The following FAT2 variants were observed in gnomAD, a reference collection of about 807,000 sequenced individuals.
The protein encoded by FAT2 is protocadherin Fat 2.
In FAT2, 150 loss-of-function variants were observed where a neutral mutation model predicts 295.3. That is an observed-to-expected ratio of 0.51 (90% CI 0.44 to 0.58). FAT2 has a LOEUF of 0.58. FAT2 is among the 20% of genes least tolerant of loss of function. The pLI is 0.00. For missense variants in FAT2, 4,868 were observed against 5,442.7 expected, an observed-to-expected ratio of 0.89 and a Z score of 3.32; for synonymous variants, 2,026 against 2,150.3, an observed-to-expected ratio of 0.94 and a Z score of 1.60.
intron 18 of FAT2, among the ~76,000 whole-genome samples, chr5:151,524,094 C>T (rs1202981440): frequency 6.6e-6 from 1 of 152,154 alleles, no homozygotes; most frequent in Non-Finnish European, 1.5e-5. Flanking sequence ...TCTCACTGGT[C>T]TCCCTCACCC....
intron 9 of FAT2, among the ~76,000 whole-genome samples, chr5:151,549,073 C>T (rs543902852): frequency 6.6e-6 from 1 of 152,212 alleles, no homozygotes; most frequent in African/African-American, 2.4e-5. Context: ...TGCAAATTCT[C>T]CCACAGCATG....
intron 3 of FAT2, among the ~76,000 whole-genome samples, chr5:151,562,541 T>C (rs1450777989): frequency 6.6e-6 from 1 of 152,176 alleles, no homozygotes; most frequent in African/African-American, 2.4e-5. Context: ...TCAGAGCTTC[T>C]GTGCCAGGTC....
intron 20 of FAT2, among the ~76,000 whole-genome samples, chr5:151,516,627 C>T (rs1414875105): frequency 6.6e-6 from 1 of 152,242 alleles, no homozygotes; most frequent in East Asian, 1.9e-4. Flanking sequence ...ATTTTCTGAG[C>T]TATTATGTTT....
intron 20 of FAT2, among the ~76,000 whole-genome samples, chr5:151,514,535 C>T (rs758996113): frequency 6.6e-5 from 10 of 152,272 alleles, no homozygotes; most frequent in Admixed American, 2.0e-4. Flanking sequence ...TGGAGAAAAA[C>T]GTGCAGCTTT....
intron 20 of FAT2, among the ~76,000 whole-genome samples, chr5:151,515,414 T>C (rs1183284865): frequency 6.6e-6 from 1 of 152,144 alleles, no homozygotes; most frequent in Non-Finnish European, 1.5e-5. Context: ...CGCTGAAGAC[T>C]CCCAGATCTC....
chr5:151,525,044 T>C (rs1343713326), intron 18 of FAT2, among the ~76,000 whole-genome samples: 3 of 152,232 alleles, frequency 2.0e-5, no homozygotes, highest in Non-Finnish European at 4.4e-5. Flanking sequence ...CTCCTTACCC[T>C]CTGCTATGTT....
Position 151,556,378 on chromosome 5 carries a change from A to G in FAT2, c.3599T>C (p.Leu1200Pro). The G allele has an allele frequency of 6.2e-7, 1 of 1,613,888 alleles. No homozygotes were observed. Among genetic ancestry groups the G allele is most frequent in the Non-Finnish European group, 8.5e-7 (1 of 1,179,860 alleles). The part of the protein sequence containing the change: ...VTGLLSTAQQ[L>P]DRENKDEHIL... ...GTGTTCATCCTTGTTCTCTCTGTCC[A>G]GCTGCTGGGCTGTAGATAGGAGACC... Residue 1200 changes from leucine to proline, a missense_variant, in exon 4 of 24, where the codon CTG (leucine) becomes CCG (proline). Around this residue, in one of 5 missense-constraint regions of FAT2, gnomAD observed 3,297 missense variants for 3,669.4 expected, o/e 0.90. Coordinates refer to ENST00000261800, the MANE Select transcript of FAT2 (RefSeq NM_001447.3).
chr5:151,541,203 G>A (rs2127603675), intron 10 of FAT2, among the ~76,000 whole-genome samples: 2 of 152,292 alleles, frequency 1.3e-5, no homozygotes, highest in South Asian at 4.1e-4. Context: ...GGTTCTGTAG[G>A]AGCACTAGGG....
At chr5:151,527,954 T>C (rs757381188) in intron 16 of FAT2, 42 bp downstream of exon 16, 13 of 1,601,234 alleles carry the variant, frequency 8.1e-6, no homozygotes, top group South Asian at 1.1e-5. Context: ...ACTGTGTCTC[T>C]GCTCTAATGA....
In FAT2 at chr5:151,566,014, C is replaced by A. The variant is rs137947267; in HGVS notation, c.2918G>T (p.Arg973Leu). Residue 973 changes from arginine to leucine, a missense_variant, in exon 2 of 24, where the codon CGG becomes CTG. This residue lies in a region of FAT2 where 3,297 missense variants were observed against 3,669.4 expected (regional missense o/e 0.90). Transcript: ENST00000261800. ...GAGCGCCCCTGTCATCAGGTCCACC[C>A]GGAAGGTCCCATGGGCGCCATCCAT... ...VLMDGAHGTF[R>L]VDLMTGALIL... The A allele has an allele frequency of 1.8e-4, 292 of 1,613,998 alleles. No homozygotes were observed. The highest frequency in any genetic ancestry group is 2.3e-4 in the Non-Finnish European group (274 of 1,180,024).
chr5:151,507,611 C>A lies in FAT2; in HGVS notation c.12060G>T (p.Arg4020Ser). The change falls in exon 23 of 24, where the codon AGG becomes AGT. Residue 4020 changes from arginine to serine, a missense_variant and splice_region_variant. Arg to Ser is a moderately radical substitution (Grantham distance 110). This residue lies in a region of FAT2 where 492 missense variants were observed against 482.6 expected (regional missense o/e 1.02). Coordinates refer to ENST00000261800, the MANE Select transcript of FAT2 (RefSeq NM_001447.3). Reference sequence around the variant, plus strand: ...AACAACCCCTCGCCTCCATTTCACACCTGCGGAGACAGAGTAGTCAGGGGG... The same window carrying A: ...AACAACCCCTCGCCTCCATTTCACAACTGCGGAGACAGAGTAGTCAGGGGG... Reference protein sequence around the residue: ...CNCPHPYTGDRCEMEARGCSE... With the variant: ...CNCPHPYTGDSCEMEARGCSE... 6.6e-7 allele frequency: 1 copy of A among 1,514,982 alleles called. No individual in the cohort carries two copies. The highest frequency in any genetic ancestry group is 8.7e-7 in the Non-Finnish European group (1 of 1,143,274). 93.8% of individuals were successfully genotyped at this position (1,514,982 alleles called of 1,614,324 possible). A position where few individuals can be genotyped will look rare whatever the true frequency, so the allele number is the denominator to read the frequency against.
At chr5:151,550,505 G>T in intron 8 of FAT2, 85 bp downstream of exon 8, 1 of 1,452,666 alleles carries the variant, frequency 6.9e-7, no homozygotes, top group South Asian at 1.3e-5. Context: ...GAGGGGAAGG[G>T]GGACCTTCAG....
Position 151,525,838 on chromosome 5 carries a change from G to T in FAT2, c.10436C>A (p.Pro3479Gln), listed in dbSNP as rs372161810. The T allele has an allele frequency of 6.2e-7, 1 of 1,613,988 alleles. No homozygotes were observed. Among genetic ancestry groups the T allele is most frequent in the Non-Finnish European group, 8.5e-7 (1 of 1,179,920 alleles). ...CTCAGCAGTCACCAGCCATCCATCC[G>T]GGGTCACTCGGAAGGCAGAGCCGTT... ...GNNGSAFRVT[P>Q]DGWLVTAEGL... Residue 3479 changes from proline (P) to glutamine (Q), a missense_variant, in exon 18 of 24, where the codon CCG (proline) becomes CAG (glutamine). Transcript: ENST00000261800.
At chr5:151,506,148 T>C (rs985726047) in intron 23 of FAT2, 51 bp from the exon 24 acceptor site, 42 of 1,488,166 alleles carry the variant, frequency 2.8e-5, no homozygotes, top group Non-Finnish European at 3.5e-5. Context: ...CCGGAAGGTT[T>C]CAGCTGGCTC....
chr5:151,520,325 G>A (rs1348019544), intron 19 of FAT2, among the ~76,000 whole-genome samples: 2 of 152,252 alleles, frequency 1.3e-5, no homozygotes, highest in East Asian at 3.8e-4. Flanking sequence ...GAGGAGCTTA[G>A]TGAAGAGTTC....
chr5:151,591,268 CG>C lies in FAT2; in HGVS notation c.-125del, dbSNP rs1759394660. Among the ~76,000 whole-genome samples the C allele has an allele frequency of 6.6e-6, 1 of 152,108 alleles. No homozygotes were observed. Among genetic ancestry groups the C allele is most frequent in the South Asian group, 2.1e-4 (1 of 4,826 alleles). ...GGCTCCTGAGGGAGGTGCAGAGACT[CG>C]GAGCAGGAAGGCGCGCAGCCCGCAG... On this transcript the variant is annotated 5_prime_UTR_variant, in exon 1 of 24. Coordinates refer to ENST00000261800, the MANE Select transcript of FAT2 (RefSeq NM_001447.3).
In FAT2 at chr5:151,565,714, G is replaced by C; in HGVS notation, c.3218C>G (p.Ala1073Gly). 7.3e-7 allele frequency: 1 copy of C among 1,374,460 alleles called. No individual in the cohort carries two copies. Among genetic ancestry groups the C allele is most frequent in the Non-Finnish European group, 9.7e-7 (1 of 1,028,798 alleles). The allele number at this position is 1,374,460 out of a possible 1,614,324, so 85.1% of individuals were successfully genotyped here. ...GCTGAAGGCTGCGAGTCCAGTGCCA[G>C]CACGCAGGAAGTACTGGAGCTCCCC... Reference protein sequence around the residue: ...LDGELQYFLRAGTGLAAFSIN... With the variant: ...LDGELQYFLRGGTGLAAFSIN... The change falls in exon 2 of 24, where the codon GCT (alanine) becomes GGT (glycine). Residue 1073 changes from alanine to glycine, a missense_variant. Ala to Gly is a moderately conservative substitution (Grantham distance 60). Coordinates refer to ENST00000261800, the MANE Select transcript of FAT2 (RefSeq NM_001447.3).
intron 1 of FAT2, among the ~76,000 whole-genome samples, chr5:151,585,682 C>T (rs1179084823): frequency 6.6e-6 from 1 of 152,204 alleles, no homozygotes; most frequent in Non-Finnish European, 1.5e-5. Context: ...TTGTCAGACA[C>T]TACCAGGACA....
In FAT2 at chr5:151,584,782, C is replaced by T. The variant is rs191248036; in HGVS notation, c.-21+6383G>A. Among the ~76,000 whole-genome samples the T allele has an allele frequency of 9.7e-4, 148 of 152,298 alleles. 2 individuals carry two copies. The highest frequency in any genetic ancestry group is 3.4e-3 in the African/African-American group (140 of 41,554). ...GTCAATGGCCAGTCAGTGTGGAGCA[C>T]GGATTGGAACAAATGATCTATCTGA... On this transcript the variant is annotated intron_variant, in intron 1 of 23. Coordinates refer to ENST00000261800, the MANE Select transcript of FAT2 (RefSeq NM_001447.3).
Sources: gnomAD v4.1 joint callset for allele counts (sites outside exome capture counted in the v4.1 genomes callset) on GRCh38, gnomAD v4.1.1 for gene constraint, gnomAD v4.1.1 regional missense constraint, MANE v1.5 for transcripts, NCBI Gene and HGNC (gene_info 2026-07-23, HGNC 2026-07-21) for gene names.